Variants in EXOC6B observed in about 807,000 individuals in gnomAD.
The protein encoded by EXOC6B is exocyst complex component 6B.
EXOC6B carries 54 observed loss-of-function variants against 113.5 expected under a neutral mutation model. The ratio of observed to expected loss-of-function variants is 0.48; its 90% CI spans 0.38 to 0.60. EXOC6B has a LOEUF of 0.60. EXOC6B is among the 20% of genes least tolerant of loss of function. The pLI, the probability that EXOC6B is intolerant of heterozygous loss-of-function variation, is 0.00. For missense variants in EXOC6B, 797 were observed against 977.5 expected (o/e 0.82, Z 2.46); for synonymous variants, 357 against 339.0 (o/e 1.05, Z -0.58).
At chr2:72,559,653 A>G (rs958042691) in intron 7 of EXOC6B, 132 bp from the exon 8 acceptor site, 4 of 632,176 alleles carry the variant, frequency 6.3e-6, no homozygotes, top group Non-Finnish European at 1.1e-5. Flanking sequence ...AATACAAAAC[A>G]AACAAAAAAA....
chr2:72,434,035 T>C (rs1050798304), intron 18 of EXOC6B, among the ~76,000 whole-genome samples: 3 of 152,202 alleles, frequency 2.0e-5, no homozygotes, highest in African/African-American at 7.2e-5. Context: ...ATATTGGCTG[T>C]GGGTTTGTCA....
intron 17 of EXOC6B, among the ~76,000 whole-genome samples, chr2:72,468,548 TGTA>T (rs1339901294): frequency 6.6e-6 from 1 of 152,210 alleles, no homozygotes; most frequent in East Asian, 1.9e-4. Flanking sequence ...TATTATAACG[TGTA>T]GTAGATTTTG....
At chr2:72,181,277 G>A (rs116766935) in intron 21 of EXOC6B, among the ~76,000 whole-genome samples, 2,596 of 151,862 alleles carry the variant, frequency 0.017, 86 homozygotes, top group African/African-American at 0.06. Flanking sequence ...TACTCATCAA[G>A]CAAACTCAGA....
intron 6 of EXOC6B, among the ~76,000 whole-genome samples, chr2:72,623,044 G>A (rs1028715615): frequency 1.3e-5 from 2 of 152,120 alleles, no homozygotes; most frequent in African/African-American, 4.8e-5. Context: ...AATAATATTC[G>A]GTATCTTGAT....
intron 8 of EXOC6B, among the ~76,000 whole-genome samples, chr2:72,524,741 C>G (rs1701674642): frequency 6.6e-6 from 1 of 152,094 alleles, no homozygotes; most frequent in African/African-American, 2.4e-5. Flanking sequence ...ATATATACAC[C>G]TAGTATGTAC....
At chr2:72,779,604 T>A (rs963298525) in intron 1 of EXOC6B, among the ~76,000 whole-genome samples, 29 of 152,116 alleles carry the variant, frequency 1.9e-4, no homozygotes, top group African/African-American at 7.0e-4. Flanking sequence ...CCAAGCCCCA[T>A]GCCAATGCTC....
Position 72,778,036 on chromosome 2 carries a change from CAGA to C in EXOC6B, c.114-36570_114-36568del, listed in dbSNP as rs533726174. Among the ~76,000 whole-genome samples the C allele has an allele frequency of 5.1e-4, 77 of 152,120 alleles. 1 individual carries two copies. Among genetic ancestry groups the C allele is most frequent in the East Asian group, 2.3e-3 (12 of 5,188 alleles). ...TGGAGAAACCAAGGAACAAAAAATA[CAGA>C]AGACACACAAAATAAATAGCAAAAT... On this transcript the variant is annotated intron_variant, in intron 1 of 21. Coordinates refer to ENST00000272427, the MANE Select transcript of EXOC6B (RefSeq NM_015189.3).
At chr2:72,305,593 C>G (rs536942821) in intron 20 of EXOC6B, among the ~76,000 whole-genome samples, 10 of 151,978 alleles carry the variant, frequency 6.6e-5, no homozygotes, top group Non-Finnish European at 1.0e-4. Flanking sequence ...TCTATAAGAC[C>G]TATAAGATCT....
At chr2:72,332,164 T>C (rs1688449644) in intron 20 of EXOC6B, among the ~76,000 whole-genome samples, 1 of 152,058 alleles carries the variant, frequency 6.6e-6, no homozygotes, top group South Asian at 2.1e-4. Flanking sequence ...GTGTGTACCC[T>C]ATAATTTACC....
At chr2:72,536,460 C>A (rs561444368) in intron 8 of EXOC6B, among the ~76,000 whole-genome samples, 1 of 152,192 alleles carries the variant, frequency 6.6e-6, no homozygotes, top group South Asian at 2.1e-4. Flanking sequence ...TGCATTCAAT[C>A]ATATGTAAAT....
chr2:72,482,116 A>C (rs1699133827), intron 16 of EXOC6B, among the ~76,000 whole-genome samples: 1 of 152,194 alleles, frequency 6.6e-6, no homozygotes, highest in East Asian at 1.9e-4. Flanking sequence ...AGTGCCTTTT[A>C]GCATAAGCAT....
intron 1 of EXOC6B, among the ~76,000 whole-genome samples, chr2:72,818,115 G>A (rs1434737396): frequency 6.6e-6 from 1 of 152,022 alleles, no homozygotes; most frequent in African/African-American, 2.4e-5. Flanking sequence ...GGGATTACAG[G>A]TGCCCACCAC....
intron 2 of EXOC6B, among the ~76,000 whole-genome samples, chr2:72,736,696 A>C (rs180997087): frequency 6.6e-6 from 1 of 152,214 alleles, no homozygotes; most frequent in Admixed American, 6.5e-5. Context: ...CAGGAGCATT[A>C]TGAGCTATAT....
chr2:72,721,026 T>C (rs1372315452), intron 5 of EXOC6B, among the ~76,000 whole-genome samples: 2 of 151,944 alleles, frequency 1.3e-5, no homozygotes, highest in Non-Finnish European at 2.9e-5. Context: ...TTATTTGTAA[T>C]GTGTACCTAA....
intron 18 of EXOC6B, among the ~76,000 whole-genome samples, chr2:72,446,383 A>C (rs2105347296): frequency 6.6e-6 from 1 of 152,180 alleles, no homozygotes; most frequent in Middle Eastern, 3.4e-3. Context: ...CTGTCTCAAA[A>C]AAAAAAAAAA....
chr2:72,270,650 A>T (rs565561610), intron 20 of EXOC6B, among the ~76,000 whole-genome samples: 1 of 152,236 alleles, frequency 6.6e-6, no homozygotes, highest in South Asian at 2.1e-4. Context: ...TCTCATAAGC[A>T]TTTTTTGGTA....
rs573483643 is a variant in EXOC6B, at chr2:72,409,659, T to C, written c.1981-29789A>G. On this transcript the variant is annotated intron_variant, in intron 18 of 21. Coordinates refer to ENST00000272427, the MANE Select transcript of EXOC6B (RefSeq NM_015189.3). The stretch of plus-strand genomic sequence containing the variant: ...GCATGTTCTCACTCCTAGGTGGGAA[T>C]TGAACAATGAGAACACGTGGACACA... Among the ~76,000 whole-genome samples, 90 of 148,524 alleles carry C rather than the reference T, an allele frequency of 6.1e-4. No homozygotes were observed. The South Asian group carries it at 0.019, about 31-fold the overall frequency.
intron 6 of EXOC6B, among the ~76,000 whole-genome samples, chr2:72,601,877 AC>A (rs1670456221): frequency 6.6e-6 from 1 of 152,238 alleles, no homozygotes; most frequent in South Asian, 2.1e-4. Context: ...AGAGAGGAAC[AC>A]TAAAAATGCA....
At chr2:72,733,534 T>G (rs1680771866) in intron 2 of EXOC6B, among the ~76,000 whole-genome samples, 1 of 152,176 alleles carries the variant, frequency 6.6e-6, no homozygotes, top group Admixed American at 6.5e-5. Flanking sequence ...AGTCAAAGTT[T>G]CCCTGTTTGC....
Sources: gnomAD v4.1 joint callset for allele counts (sites outside exome capture counted in the v4.1 genomes callset) on GRCh38, gnomAD v4.1.1 for gene constraint, MANE v1.5 for transcripts, NCBI Gene and HGNC (gene_info 2026-07-23, HGNC 2026-07-21) for gene names.